The following ARAP1 variants were observed in gnomAD, a reference collection of about 807,000 sequenced individuals.
ARAP1 encodes the protein ArfGAP with RhoGAP domain, ankyrin repeat and PH domain 1, also known as arf-GAP with Rho-GAP domain, ANK repeat and PH domain-containing protein 1.
In ARAP1, 76 loss-of-function variants were observed where a neutral mutation model predicts 172.2. That is an observed-to-expected ratio of 0.44 (90% CI 0.37 to 0.53). The LOEUF (loss-of-function observed/expected upper bound fraction) is 0.53. ARAP1 is among the 20% of genes least tolerant of loss of function. ARAP1 has a pLI of 0.00. For missense variants in ARAP1, 1,686 were observed against 1,977.5 expected (o/e 0.85, Z 2.80); for synonymous variants, 804 against 803.3 (o/e 1.00, Z -0.01).
chr11:72,686,845 C>T (rs995359962), intron 33 of ARAP1, among the ~76,000 whole-genome samples: 3 of 152,066 alleles, frequency 2.0e-5, no homozygotes, highest in Admixed American at 6.5e-5. Flanking sequence ...TGCCTAAATG[C>T]CACCCCCACC....
At position 72,704,274 on chromosome 11, in the gene ARAP1, T is replaced by TG; in HGVS notation, c.1869dup (p.Ser624GlnfsTer2). The stretch of plus-strand genomic sequence containing the variant: ...CTGCTGCTGGGCTGCAGGGCCTCAC[T>TG]GGGGGGCACGTTGGCTGCCCAGAAG... On this transcript the variant is annotated frameshift_variant, in exon 14 of 35. Transcript: ENST00000393609. LOFTEE classifies it high-confidence loss of function. 1 of 1,612,694 alleles carries TG rather than the reference T, an allele frequency of 6.2e-7. No homozygotes were observed. The highest frequency in any genetic ancestry group is 1.1e-5 in the South Asian group (1 of 90,928).
rs1044123145 is a variant in ARAP1 at position 72,693,173 on chromosome 11, G to A, written c.3954+152C>T. The A allele has an allele frequency of 1.2e-4, 141 of 1,212,164 alleles. No individual in the cohort carries two copies. The highest frequency in any genetic ancestry group is 2.9e-5 in the Non-Finnish European group (26 of 888,178). 75.1% of individuals were successfully genotyped at this position (1,212,164 alleles called of 1,614,324 possible). Reference sequence around the variant, plus strand: ...GTGGCCGTCCAGGGCCACAGCAGGAGGGGTCTTGAGAGTCTACAGTTCTCC... The same window carrying A: ...GTGGCCGTCCAGGGCCACAGCAGGAAGGGTCTTGAGAGTCTACAGTTCTCC... On this transcript the variant is annotated intron_variant, in intron 29 of 34. Coordinates refer to ENST00000393609, the MANE Select transcript of ARAP1 (RefSeq NM_001040118.3). This position sits in a 1 kb window ranked among gnomAD's most constrained non-coding sequence, Gnocchi z 4.6.
At chr11:72,721,433 C>T (rs1272388752) in intron 3 of ARAP1, among the ~76,000 whole-genome samples, 2 of 152,166 alleles carry the variant, frequency 1.3e-5, no homozygotes, top group East Asian at 3.9e-4. Flanking sequence ...GCCTCCCCAA[C>T]GAATCCCCAG....
intron 8 of ARAP1, 114 bp from the exon 9 acceptor site, chr11:72,711,255 C>T (rs1208353030): frequency 2.6e-6 from 4 of 1,521,764 alleles, no homozygotes; most frequent in Non-Finnish European, 3.6e-6. Flanking sequence ...AGACAAGACC[C>T]TGTGCTGACC....
Position 72,697,366 on chromosome 11 carries a change from G to C in ARAP1, c.2910C>G (p.Ile970Met). 6.2e-7 allele frequency: 1 copy of C among 1,605,756 alleles called. No individual in the cohort carries two copies. The highest frequency in any genetic ancestry group is 8.5e-7 in the Non-Finnish European group (1 of 1,176,412). Residue 970 changes from isoleucine (I) to methionine (M), a missense_variant, in exon 21 of 35, where the codon ATC (isoleucine) becomes ATG (methionine). By Grantham distance (10) the Ile-to-Met change is conservative. Transcript: ENST00000393609. ...LSEQQLGDSD[I>M]PVIVYRCVDY... ...CCACACAGCGGTACACGATCACCGG[G>C]ATATCCGAGTCCCCAAGCTGCTGCT...
At chr11:72,738,563 T>C (rs1016686099) in intron 1 of ARAP1, among the ~76,000 whole-genome samples, 16 of 152,038 alleles carry the variant, frequency 1.1e-4, no homozygotes, top group African/African-American at 3.6e-4. Context: ...CCTCAGCTTG[T>C]CCACCACCAC....
intron 3 of ARAP1, chr11:72,722,318 C>T: frequency 1.0e-6 from 1 of 985,634 alleles, no homozygotes; most frequent in Non-Finnish European, 1.2e-6. Flanking sequence ...CAGCCGTGGC[C>T]AACACACACA....
At position 72,707,298 on chromosome 11, in the gene ARAP1, T is replaced by C. The variant is rs1299950794; in HGVS notation, c.1600A>G (p.Thr534Ala). The C allele has an allele frequency of 1.2e-6, 2 of 1,613,460 alleles. No individual in the cohort carries two copies. Among genetic ancestry groups the C allele is most frequent in the East Asian group, 4.5e-5 (2 of 44,878 alleles). ...CAGATGCGCTCGGCCACCTCCGAGG[T>C]AGACAGGGCCTCAGCGATGGCTCCC... ...MQGAIAEALS[T>A]SEVAERIWAA... The change falls in exon 12 of 35, where the codon ACC (threonine) becomes GCC (alanine). Residue 534 changes from threonine to alanine, a missense_variant. Transcript: ENST00000393609.
intron 18 of ARAP1, 144 bp downstream of exon 18, chr11:72,698,861 G>T (rs997441173): frequency 2.4e-6 from 2 of 844,308 alleles, no homozygotes; most frequent in African/African-American, 3.3e-5. Context: ...TAGGCTCTTG[G>T]TGGGACAGGC....
intron 12 of ARAP1, among the ~76,000 whole-genome samples, chr11:72,706,966 G>A (rs541006132): frequency 3.3e-5 from 5 of 152,240 alleles, no homozygotes; most frequent in East Asian, 1.9e-4. Context: ...CTGTGCCTCC[G>A]TGTCCCCACC....
chr11:72,699,041 C>T lies in ARAP1; in HGVS notation c.2505G>A (p.Ala835=), dbSNP rs769656629. 3 of 1,614,060 alleles carry T rather than the reference C, an allele frequency of 1.9e-6. No homozygotes were observed. The highest frequency in any genetic ancestry group is 1.3e-5 in the African/African-American group (1 of 74,910). ...ERLYLFGLES[A]EQAHEWVKCI... ...ACTTGACCCACTCATGAGCCTGCTC[C>T]GCACTCTCCAGCCCAAACAGGTACA... Residue 835 remains alanine (A), a synonymous_variant, in exon 18 of 35, where the codon GCG becomes GCA. Coordinates refer to ENST00000393609, the MANE Select transcript of ARAP1 (RefSeq NM_001040118.3). The surrounding 1 kb of genome is among the most constrained non-coding windows in gnomAD (Gnocchi z 4.2).
intron 3 of ARAP1, among the ~76,000 whole-genome samples, chr11:72,724,505 G>C (rs1267183906): frequency 6.6e-6 from 1 of 152,176 alleles, no homozygotes; most frequent in African/African-American, 2.4e-5. Flanking sequence ...ATCACAGGAA[G>C]GGACTGAGAG....
In ARAP1 at chr11:72,745,791, C is replaced by T. The variant is rs1475711593; in HGVS notation, c.-128+6537G>A. ...ACCTGGAATCTTGGCTGTCAGTGCCCTTCTCCTGGACGACTGCCTGGCTGG... is the reference window on the plus strand; with the variant it reads ...ACCTGGAATCTTGGCTGTCAGTGCCTTTCTCCTGGACGACTGCCTGGCTGG... On this transcript the variant is annotated intron_variant, in intron 1 of 34. Coordinates refer to ENST00000393609, the MANE Select transcript of ARAP1 (RefSeq NM_001040118.3). 2.0e-5 allele frequency among the ~76,000 whole-genome samples: 3 copies of T among 152,102 alleles called. 1 individual carries two copies. The highest frequency in any genetic ancestry group is 4.1e-4 in the South Asian group (2 of 4,832).
At chr11:72,692,314 G>A (rs928882192) in intron 30 of ARAP1, among the ~76,000 whole-genome samples, 1 of 152,054 alleles carries the variant, frequency 6.6e-6, no homozygotes, top group East Asian at 1.9e-4. Flanking sequence ...CCAGGTGGGG[G>A]TATCCCACAA....
chr11:72,712,672 GC>G (rs762287330), intron 5 of ARAP1, 104 bp from the exon 6 acceptor site: 3 of 1,568,256 alleles, frequency 1.9e-6, no homozygotes, highest in Non-Finnish European at 2.6e-6. Context: ...GACCCACACA[GC>G]CCAGCACTTT....
At chr11:72,707,089 G>A (rs1266626679) in intron 12 of ARAP1, 86 bp downstream of exon 12, 3 of 1,367,380 alleles carry the variant, frequency 2.2e-6, no homozygotes, top group South Asian at 3.1e-5. Context: ...CTCCGCTCCA[G>A]GCCCTCCTCC....
At chr11:72,712,736 A>G in intron 5 of ARAP1, 168 bp from the exon 6 acceptor site, 1 of 1,120,902 alleles carries the variant, frequency 8.9e-7, no homozygotes, top group African/African-American at 1.5e-5. Flanking sequence ...CCACACAGAG[A>G]CCCAGATCAC....
In ARAP1 at chr11:72,701,208, CAG is replaced by C. The variant is rs60201690; in HGVS notation, c.2302+439_2302+440del. On this transcript the variant is annotated intron_variant, in intron 16 of 34. Transcript: ENST00000393609. The stretch of plus-strand genomic sequence containing the variant: ...GTCTGAGAAACAGTGAGGAGACCGG[CAG>C]AGTGATTAGGGGGGTGGTTCAGAGA... Among the ~76,000 whole-genome samples, 637 of 151,078 alleles carry C rather than the reference CAG, an allele frequency of 4.2e-3. 3 individuals carry two copies. Among genetic ancestry groups the C allele is most frequent in the African/African-American group, 0.015 (608 of 41,026 alleles).
rs367897101 is a variant in ARAP1, at chr11:72,696,644, G to T, written c.3177C>A (p.Asp1059Glu). ...LTWLEASEIE[D>E]EEEKVSRYRE... ...GGTACCTGGAGACCTTCTCCTCCTCGTCCTCAATCTCTGGGTGGGAAAGAT... is the reference window on the plus strand; with the variant it reads ...GGTACCTGGAGACCTTCTCCTCCTCTTCCTCAATCTCTGGGTGGGAAAGAT... The change falls in exon 23 of 35, where the codon GAC (aspartate) becomes GAA (glutamate). Residue 1059 changes from aspartate (D) to glutamate (E), a missense_variant. Around this residue, in one of 5 missense-constraint regions of ARAP1, gnomAD observed 274 missense variants for 262.7 expected, o/e 1.04. Transcript: ENST00000393609. 1.3e-6 allele frequency: 2 copies of T among 1,592,420 alleles called. No individual in the cohort carries two copies.
Sources: allele counts gnomAD v4.1 joint callset (sites outside exome capture counted in the v4.1 genomes callset), GRCh38; gene constraint gnomAD v4.1.1; regional missense constraint gnomAD v4.1.1; non-coding constraint Gnocchi (gnomAD v3.1); transcripts MANE v1.5; gene names NCBI Gene and HGNC (gene_info 2026-07-23, HGNC 2026-07-21).